The following ELAVL2 variants were observed in gnomAD, a reference collection of about 807,000 sequenced individuals.
The protein encoded by ELAVL2 is ELAV like RNA binding protein 2.
A neutral mutation model predicts 34.6 loss-of-function variants in ELAVL2; 4 were observed. That is an observed-to-expected ratio of 0.12 (90% confidence interval 0.06 to 0.26). The LOEUF (loss-of-function observed/expected upper bound fraction) is 0.26. ELAVL2 is among the 10% of genes least tolerant of loss of function. The probability of loss-of-function intolerance (pLI) is 1.00; values close to 1 mark genes in which losing one functional copy is unlikely to be tolerated. For synonymous variants in ELAVL2, 193 were observed against 154.8 expected (o/e 1.25, Z -1.83); for missense variants, 432 against 442.8 (o/e 0.98, Z 0.22).
At chr9:23,714,461 G>A (rs1018185814) in intron 3 of ELAVL2, among the ~76,000 whole-genome samples, 3 of 152,206 alleles carry the variant, frequency 2.0e-5, no homozygotes, top group African/African-American at 7.2e-5. Context: ...CAGCCTGGAT[G>A]GAGGGAACAT....
intron 1 of ELAVL2, among the ~76,000 whole-genome samples, chr9:23,810,253 G>A (rs886495038): frequency 2.0e-5 from 3 of 151,960 alleles, no homozygotes; most frequent in African/African-American, 7.3e-5. Context: ...GATGCCAGCT[G>A]GCATCAGAAA....
intron 2 of ELAVL2, among the ~76,000 whole-genome samples, chr9:23,758,138 G>C (rs947119681): frequency 1.3e-5 from 2 of 152,088 alleles, no homozygotes; most frequent in African/African-American, 4.8e-5. Flanking sequence ...TGGATAATTA[G>C]AGAAGGACCA....
chr9:23,841,004 G>A, the ELAVL2 span, among the ~76,000 whole-genome samples: 1 of 152,092 alleles, frequency 6.6e-6, no homozygotes, highest in Non-Finnish European at 1.5e-5. Context: ...ACAGAAACAC[G>A]TGCATTTTCC....
At chr9:23,742,848 A>T (rs2049591951) in intron 2 of ELAVL2, among the ~76,000 whole-genome samples, 1 of 152,182 alleles carries the variant, frequency 6.6e-6, no homozygotes, top group South Asian at 2.1e-4. Context: ...GGTAGGAGGA[A>T]CATTTTTCTT....
chr9:23,694,584 G>C (rs1392364162), intron 5 of ELAVL2, among the ~76,000 whole-genome samples: 1 of 152,176 alleles, frequency 6.6e-6, no homozygotes, highest in Non-Finnish European at 1.5e-5. Flanking sequence ...ACCCGTGAAA[G>C]GTAAGTTTGA....
In ELAVL2 at chr9:23,725,096, G is replaced by A. The variant is rs146560091; in HGVS notation, c.333+5926C>T. ...ACTACACAAGCCAGAAAAACACTAGGGTGGGTTGAAATGCTGAGAAAGATG... is the reference window on the plus strand; with the variant it reads ...ACTACACAAGCCAGAAAAACACTAGAGTGGGTTGAAATGCTGAGAAAGATG... On this transcript the variant is annotated intron_variant, in intron 3 of 6. Transcript: ENST00000397312. 4.3e-4 allele frequency among the ~76,000 whole-genome samples: 66 copies of A among 152,094 alleles called. 1 individual carries two copies. Among genetic ancestry groups the A allele is most frequent in the Non-Finnish European group, 6.5e-4 (44 of 67,994 alleles).
At chr9:23,739,216 G>T (rs2048572623) in intron 2 of ELAVL2, among the ~76,000 whole-genome samples, 1 of 152,118 alleles carries the variant, frequency 6.6e-6, no homozygotes, top group Non-Finnish European at 1.5e-5. Flanking sequence ...AGGTTCTCCA[G>T]CCTGAAAGAA....
At chr9:23,704,147 G>GTTTTTTTTTTTTTTTTTTTTTTTTTTT in intron 4 of ELAVL2, among the ~76,000 whole-genome samples, 1 of 151,790 alleles carries the variant, frequency 6.6e-6, no homozygotes, top group Non-Finnish European at 1.5e-5. Context: ...GGTCACGCTG[G>GTTTTTTTTTTTTTTTTTTTTTTTTTTT]TCTTGAACTC....
At chr9:23,746,332 T>C (rs964797496) in intron 2 of ELAVL2, among the ~76,000 whole-genome samples, 6 of 152,096 alleles carry the variant, frequency 3.9e-5, no homozygotes, top group African/African-American at 1.4e-4. Flanking sequence ...AAAACACTGA[T>C]AGAAAAAGAT....
In ELAVL2 at chr9:23,692,212, A is replaced by G. The variant is rs1216219961; in HGVS notation, c.*345T>C. 5.3e-6 allele frequency: 1 copy of G among 187,994 alleles called. No individual in the cohort carries two copies. The highest frequency in any genetic ancestry group is 1.1e-5 in the Non-Finnish European group (1 of 90,044). The allele number at this position is 187,994 out of a possible 1,614,324, so 11.6% of individuals were successfully genotyped here. On this transcript the variant is annotated 3_prime_UTR_variant, in exon 7 of 7. Coordinates refer to ENST00000397312, the MANE Select transcript of ELAVL2 (RefSeq NM_004432.5). ...TGAAGAATTACAACACAAAGCCTCA[A>G]TATTTACTCACAGGTTCAAGGCAGT...
chr9:23,744,347 A>G (rs2050000229), intron 2 of ELAVL2, among the ~76,000 whole-genome samples: 1 of 152,220 alleles, frequency 6.6e-6, no homozygotes, highest in African/African-American at 2.4e-5. Context: ...GTTTTACTAA[A>G]TAACTAGTTT....
At chr9:23,807,462 G>A (rs2062388473) in intron 1 of ELAVL2, among the ~76,000 whole-genome samples, 1 of 151,806 alleles carries the variant, frequency 6.6e-6, no homozygotes, top group Non-Finnish European at 1.5e-5. Flanking sequence ...TTTTTAAAAA[G>A]TATTTTTCGA....
chr9:23,814,950 A>G lies in ELAVL2; in HGVS notation c.-16+10856T>C, dbSNP rs566501251. Among the ~76,000 whole-genome samples the G allele has an allele frequency of 2.7e-5, 4 of 147,906 alleles. No homozygotes were observed. The South Asian group carries it at 8.7e-4, about 32-fold the overall frequency. On this transcript the variant is annotated intron_variant, in intron 1 of 6. Transcript: ENST00000397312. ...ATTCTGATATACACAAATGATGCCT[A>G]AAGAATAAAAAAAGTGCTAAACATC...
intron 1 of ELAVL2, among the ~76,000 whole-genome samples, chr9:23,782,840 T>C (rs1327962921): frequency 1.3e-5 from 2 of 152,212 alleles, no homozygotes; most frequent in Non-Finnish European, 2.9e-5. Context: ...GGGCCCGATG[T>C]GGAAGCATAG....
rs139039159 is a variant in ELAVL2, at chr9:23,773,428, G to A, written c.-15-11179C>T. Among the ~76,000 whole-genome samples the A allele has an allele frequency of 5.3e-5, 8 of 152,178 alleles. No homozygotes were observed. The East Asian group carries it at 7.7e-4, about 15-fold the overall frequency. On this transcript the variant is annotated intron_variant, in intron 1 of 6. Coordinates refer to ENST00000397312, the MANE Select transcript of ELAVL2 (RefSeq NM_004432.5). ...TACTCCTACTTTTGTCAGACTTCCC[G>A]CTTTGCAAGTTGTCTTAGTATCATT... is the stretch of plus-strand genomic sequence containing the variant.
rs1390226142 is a variant in ELAVL2 at position 23,691,364 on chromosome 9, T to C, written c.*1193A>G. 6.6e-6 allele frequency: 1 copy of C among 152,550 alleles called. No homozygotes were observed. The highest frequency in any genetic ancestry group is 1.5e-5 in the Non-Finnish European group (1 of 67,992). 9.4% of individuals were successfully genotyped at this position (152,550 alleles called of 1,614,324 possible). On this transcript the variant is annotated 3_prime_UTR_variant, in exon 7 of 7. Transcript: ENST00000397312. ...AACTTTCAAAATACCTTCAAATATA[T>C]CCAACTCAGATCACTTTTGCTGATT... is the stretch of plus-strand genomic sequence containing the variant.
At chr9:23,797,981 T>C (rs574972907) in intron 1 of ELAVL2, among the ~76,000 whole-genome samples, 1 of 152,082 alleles carries the variant, frequency 6.6e-6, no homozygotes, top group East Asian at 1.9e-4. Flanking sequence ...TAAGAATTCA[T>C]GGGTCATGAT....
At chr9:23,705,113 T>C (rs1304875871) in intron 3 of ELAVL2, 42 bp from the exon 4 acceptor site, 2 of 1,608,324 alleles carry the variant, frequency 1.2e-6, no homozygotes, top group African/African-American at 1.3e-5. Flanking sequence ...GCATGCTCAC[T>C]CACCCACCTC....
intron 1 of ELAVL2, among the ~76,000 whole-genome samples, chr9:23,817,999 C>G (rs1316851534): frequency 6.6e-6 from 1 of 152,148 alleles, no homozygotes; most frequent in Non-Finnish European, 1.5e-5. Context: ...GCACTATAAA[C>G]CGTCTAGTAT....
Sources: allele counts gnomAD v4.1 joint callset (sites outside exome capture counted in the v4.1 genomes callset), GRCh38; gene constraint gnomAD v4.1.1; transcripts MANE v1.5; gene names NCBI Gene and HGNC (gene_info 2026-07-23, HGNC 2026-07-21).